OR10AG1: variants seen among roughly 807,000 people sequenced by gnomAD.
The protein encoded by OR10AG1 is olfactory receptor family 10 subfamily AG member 1, also known as olfactory receptor 10AG1.
For missense variants in OR10AG1, 433 were observed against 376.5 expected (o/e 1.15, Z -1.24); for synonymous variants, 147 against 128.6 (o/e 1.14, Z -0.97).
rs1392716618 is a variant in OR10AG1, at chr11:55,968,464, T to A, written c.60A>T (p.Ile20=). The change falls in exon 2 of 2, where the codon ATA becomes ATT. Residue 20 remains isoleucine, a synonymous_variant. Coordinates refer to ENST00000641071, the MANE Select transcript of OR10AG1 (RefSeq NM_001005491.2). ...TKREKSNVTT[I]MEFVLLGFSD... The stretch of plus-strand genomic sequence containing the variant: ...AAAACCCCAAAAGAACAAATTCCAT[T>A]ATTGTAGTCACATTTGATTTTTCTC... The A allele has an allele frequency of 2.0e-6, 3 of 1,535,632 alleles. No homozygotes were observed. The South Asian group carries it at 3.8e-5, about 19-fold the overall frequency.
rs151187533 is a variant in OR10AG1, at chr11:55,968,205, C to A, written c.319G>T (p.Ala107Ser). The change falls in exon 2 of 2, where the codon GCT becomes TCT. Residue 107 changes from alanine to serine, a missense_variant. By Grantham distance (99) the Ala-to-Ser change is moderately conservative. Transcript: ENST00000641071. ...AAAAAACACATTTGTGTAGCACAAGCAAACAAAGAAATATTTCCTTTCTGA... is the reference window on the plus strand; with the variant it reads ...AAAAAACACATTTGTGTAGCACAAGAAAACAAAGAAATATTTCCTTTCTGA... The part of the protein sequence containing the change: ...WTQKGNISLF[A>S]CATQMCFFLM... The A allele has an allele frequency of 1.2e-6, 2 of 1,613,854 alleles. No homozygotes were observed.
intron 1 of OR10AG1, among the ~76,000 whole-genome samples, chr11:55,969,596 C>T (rs1041022069): frequency 2.0e-5 from 3 of 152,102 alleles, no homozygotes; most frequent in African/African-American, 4.8e-5. Flanking sequence ...TGACTTAATA[C>T]GTTGATAAAT....
Position 55,968,868 on chromosome 11 carries a change from GTC to G in OR10AG1, c.17-363_17-362del, listed in dbSNP as rs1162165079. Among the ~76,000 whole-genome samples, 4 of 152,122 alleles carry G rather than the reference GTC, an allele frequency of 2.6e-5. No individual in the cohort carries two copies. The East Asian group carries it at 7.7e-4, about 29-fold the overall frequency. ...AATATCATTTTTCTTTGTATTGGTA[GTC>G]ATATTCCAGTTTTTTTAATTCAAAA... On this transcript the variant is annotated intron_variant, in intron 1 of 1. Transcript: ENST00000641071.
At position 55,968,442 on chromosome 11, in the gene OR10AG1, AC is replaced by A; in HGVS notation, c.81del (p.Ser29LeufsTer19). On this transcript the variant is annotated frameshift_variant, in exon 2 of 2. Transcript: ENST00000641071. LOFTEE classifies it low-confidence loss of function (END_TRUNC). ...CAGTGGAGATTGGGAATATCAGAAAACCCCAAAAGAACAAATTCCATTATTG... is the reference window on the plus strand; with the variant it reads ...CAGTGGAGATTGGGAATATCAGAAAACCCAAAAGAACAAATTCCATTATTG... The part of the protein sequence containing the change: ...VTTIMEFVLL[G>X]FSDIPNLHWM... The A allele has an allele frequency of 1.9e-6, 3 of 1,560,096 alleles. No individual in the cohort carries two copies. Among genetic ancestry groups the A allele is most frequent in the South Asian group, 1.2e-5 (1 of 82,690 alleles).
Position 55,967,603 on chromosome 11 carries a change from A to G in OR10AG1, c.921T>C (p.Asp307=), listed in dbSNP as rs1165734260. 3.1e-6 allele frequency: 5 copies of G among 1,602,794 alleles called. No homozygotes were observed. The highest frequency in any genetic ancestry group is 1.1e-5 in the South Asian group (1 of 88,962). The change falls in exon 2 of 2, where the codon GAT becomes GAC. Residue 307 remains aspartate, a synonymous_variant. Transcript: ENST00000641071. ...NPIIYTLRNK[D]IMVALRKLLA... is the part of the protein sequence containing the mutation. ...GTAATTTTCTCAATGCCACCATGAT[A>G]TCTTTGTTCCTCAGGGTATATATAA...
chr11:55,969,411 A>G (rs1448687427), intron 1 of OR10AG1, among the ~76,000 whole-genome samples: 1 of 152,112 alleles, frequency 6.6e-6, no homozygotes, highest in African/African-American at 2.4e-5. Flanking sequence ...AAACAAAAAC[A>G]CACTGTCTTG....
rs1852696454 is a variant in OR10AG1 at position 55,967,315 on chromosome 11, TA to T, written c.*242del. The T allele has an allele frequency of 2.7e-6, 1 of 375,804 alleles. No individual in the cohort carries two copies. Among genetic ancestry groups the T allele is most frequent in the South Asian group, 4.5e-5 (1 of 22,332 alleles). The allele number at this position is 375,804 out of a possible 1,614,324, so 23.3% of individuals were successfully genotyped here. A position where few individuals can be genotyped will look rare whatever the true frequency, so the allele number is the denominator to read the frequency against. ...TCATTTTATTGCTCAGGTGGTCTCTTAATCAACAGTTAACCATTGATCTTCA... is the reference window on the plus strand; with the variant it reads ...TCATTTTATTGCTCAGGTGGTCTCTTATCAACAGTTAACCATTGATCTTCA... On this transcript the variant is annotated 3_prime_UTR_variant, in exon 2 of 2. Transcript: ENST00000641071.
In OR10AG1 at chr11:55,967,338, T is replaced by A; in HGVS notation, c.*220A>T. 2.3e-6 allele frequency: 1 copy of A among 429,874 alleles called. No individual in the cohort carries two copies. Among genetic ancestry groups the A allele is most frequent in the Non-Finnish European group, 4.1e-6 (1 of 242,728 alleles). The allele number at this position is 429,874 out of a possible 1,614,324, so 26.6% of individuals were successfully genotyped here. On this transcript the variant is annotated 3_prime_UTR_variant, in exon 2 of 2. Transcript: ENST00000641071. The stretch of plus-strand genomic sequence containing the variant: ...CTTAATCAACAGTTAACCATTGATC[T>A]TCAGAATGAGATCTTGGCACCTTAG...
Position 55,966,688 on chromosome 11 carries a change from C to T in OR10AG1, c.*870G>A, listed in dbSNP as rs1318928901. On this transcript the variant is annotated 3_prime_UTR_variant, in exon 2 of 2. Coordinates refer to ENST00000641071, the MANE Select transcript of OR10AG1 (RefSeq NM_001005491.2). Reference sequence around the variant, plus strand: ...ATTCCAGTCTCTGCCTTCACCTTTACATGATGTCCTTCTCTGTTTCTCTGC... The same window carrying T: ...ATTCCAGTCTCTGCCTTCACCTTTATATGATGTCCTTCTCTGTTTCTCTGC... The T allele has an allele frequency of 6.6e-6, 1 of 152,102 alleles. No individual in the cohort carries two copies. Among genetic ancestry groups the T allele is most frequent in the Non-Finnish European group, 1.5e-5 (1 of 68,072 alleles). The allele number at this position is 152,102 out of a possible 1,614,324, so 9.4% of individuals were successfully genotyped here. A position where few individuals can be genotyped will look rare whatever the true frequency, so the allele number is the denominator to read the frequency against.
intron 1 of OR10AG1, among the ~76,000 whole-genome samples, chr11:55,969,217 A>G (rs918826333): frequency 6.6e-6 from 1 of 152,038 alleles, no homozygotes. Context: ...TATCTAAGTG[A>G]ATTTCTCCAT....
At position 55,967,769 on chromosome 11, in the gene OR10AG1, CAGGTGGAGAAGGCTTT is replaced by C; in HGVS notation, c.739_754del (p.Lys247AlafsTer5). 1 of 1,613,750 alleles carries C rather than the reference CAGGTGGAGAAGGCTTT, an allele frequency of 6.2e-7. No homozygotes were observed. The highest frequency in any genetic ancestry group is 8.5e-7 in the Non-Finnish European group (1 of 1,179,782). ...GATTACAACTATTAGGTGAGATGAGCAGGTGGAGAAGGCTTTAGCCTTTCCTCTGGCTGATGACAAT... is the reference window on the plus strand; with the variant it reads ...GATTACAACTATTAGGTGAGATGAGCAGCCTTTCCTCTGGCTGATGACAAT... On this transcript the variant is annotated frameshift_variant, in exon 2 of 2. Coordinates refer to ENST00000641071, the MANE Select transcript of OR10AG1 (RefSeq NM_001005491.2). LOFTEE classifies it low-confidence loss of function (END_TRUNC).
rs61896161 is a variant in OR10AG1 at position 55,967,507 on chromosome 11, C to T, written c.*51G>A. On this transcript the variant is annotated 3_prime_UTR_variant, in exon 2 of 2. Coordinates refer to ENST00000641071, the MANE Select transcript of OR10AG1 (RefSeq NM_001005491.2). ...AAAGTTAAAAAAAAATTCACTGAAG[C>T]CACATGACAAACCTATAAAGAAATT... 83,342 of 1,207,218 alleles carry T rather than the reference C, an allele frequency of 0.069. 3,321 individuals are homozygous for T. Among genetic ancestry groups the T allele is most frequent in the Non-Finnish European group, 0.077 (65,698 of 855,164 alleles). The allele number at this position is 1,207,218 out of a possible 1,614,324, so 74.8% of individuals were successfully genotyped here. A position where few individuals can be genotyped will look rare whatever the true frequency, so the allele number is the denominator to read the frequency against.
At chr11:55,968,560 T>G (rs1281672670) in intron 1 of OR10AG1, 53 bp from the exon 2 acceptor site, 1 of 798,928 alleles carries the variant, frequency 1.3e-6, no homozygotes, top group Middle Eastern at 2.8e-4. Flanking sequence ...TTGAACAATA[T>G]TTTCCTCTTG....
In OR10AG1 at chr11:55,966,063, A is replaced by C. The variant is rs1402339771; in HGVS notation, c.*1495T>G. On this transcript the variant is annotated 3_prime_UTR_variant, in exon 2 of 2. Coordinates refer to ENST00000641071, the MANE Select transcript of OR10AG1 (RefSeq NM_001005491.2). Reference sequence around the variant, plus strand: ...AGCAGTTCTGAGACATTATCTTGAGAGGCTGTGCATTACTGTAAGGTAAAG... The same window carrying C: ...AGCAGTTCTGAGACATTATCTTGAGCGGCTGTGCATTACTGTAAGGTAAAG... 1 of 152,016 alleles carries C rather than the reference A, an allele frequency of 6.6e-6. No individual in the cohort carries two copies. Among genetic ancestry groups the C allele is most frequent in the African/African-American group, 2.4e-5 (1 of 41,374 alleles). 9.4% of individuals were successfully genotyped at this position (152,016 alleles called of 1,614,324 possible). A position where few individuals can be genotyped will look rare whatever the true frequency, so the allele number is the denominator to read the frequency against.
rs1852707909 is a variant in OR10AG1, at chr11:55,968,107, C to T, written c.417G>A (p.Lys139=). The T allele has an allele frequency of 1.2e-6, 2 of 1,613,980 alleles. No individual in the cohort carries two copies. The highest frequency in any genetic ancestry group is 1.7e-5 in the Admixed American group (1 of 60,016). The change falls in exon 2 of 2, where the codon AAG becomes AAA. Residue 139 remains lysine (K), a synonymous_variant. Transcript: ENST00000641071. ...TCATCACTAGAGGATACTGCAAAGGCTTACAAATAGCCACGTAGCGGTCAT... is the reference window on the plus strand; with the variant it reads ...TCATCACTAGAGGATACTGCAAAGGTTTACAAATAGCCACGTAGCGGTCAT... ...MAYDRYVAIC[K]PLQYPLVMNH... is the part of the protein sequence containing the mutation.
chr11:55,968,312 T>C lies in OR10AG1; in HGVS notation c.212A>G (p.Tyr71Cys). ...KIHPALQTPM[Y>C]FFLSNFSLLE... ...AAGGGAAAAATTGCTAAGAAAAAAA[T>C]ACATGGGAGTCTGGAGAGCGGGGTG... Residue 71 changes from tyrosine to cysteine, a missense_variant, in exon 2 of 2, where the codon TAT (tyrosine) becomes TGT (cysteine). Coordinates refer to ENST00000641071, the MANE Select transcript of OR10AG1 (RefSeq NM_001005491.2). 3 of 1,613,458 alleles carry C rather than the reference T, an allele frequency of 1.9e-6. No individual in the cohort carries two copies. The highest frequency in any genetic ancestry group is 2.5e-6 in the Non-Finnish European group (3 of 1,179,578).
Position 55,967,716 on chromosome 11 carries a change from A to G in OR10AG1, c.808T>C (p.Tyr270His), listed in dbSNP as rs1852701791. 1 of 1,613,898 alleles carries G rather than the reference A, an allele frequency of 6.2e-7. No individual in the cohort carries two copies. Among genetic ancestry groups the G allele is most frequent in the South Asian group, 1.1e-5 (1 of 91,080 alleles). Residue 270 changes from tyrosine (Y) to histidine (H), a missense_variant, in exon 2 of 2, where the codon TAT becomes CAT. Coordinates refer to ENST00000641071, the MANE Select transcript of OR10AG1 (RefSeq NM_001005491.2). ...ILFFGAGTIT[Y>H]LQPKPHQFQR... ...AACTGATGTGGTTTGGGCTGTAAAT[A>G]AGTGATAGTACCTGCTCCAAAGAAT... is the stretch of plus-strand genomic sequence containing the variant.
At chr11:55,969,295 T>A (rs1361285716) in intron 1 of OR10AG1, among the ~76,000 whole-genome samples, 1 of 152,152 alleles carries the variant, frequency 6.6e-6, no homozygotes, top group Non-Finnish European at 1.5e-5. Context: ...CCCTTCATCC[T>A]GTTGCCTTAT....
Position 55,966,826 on chromosome 11 carries a change from A to G in OR10AG1, c.*732T>C, listed in dbSNP as rs1852692877. 6.6e-6 allele frequency: 1 copy of G among 152,074 alleles called. No individual in the cohort carries two copies. The highest frequency in any genetic ancestry group is 1.5e-5 in the Non-Finnish European group (1 of 68,016). 9.4% of individuals were successfully genotyped at this position (152,074 alleles called of 1,614,324 possible). ...ACTTTCATTTACAATCTTTAGCTTCACTATAGCTGAAAGTCTTTGTTTTTC... is the reference window on the plus strand; with the variant it reads ...ACTTTCATTTACAATCTTTAGCTTCGCTATAGCTGAAAGTCTTTGTTTTTC... On this transcript the variant is annotated 3_prime_UTR_variant, in exon 2 of 2. Transcript: ENST00000641071.
Sources: gnomAD v4.1 joint callset for allele counts (sites outside exome capture counted in the v4.1 genomes callset) on GRCh38, gnomAD v4.1.1 for gene constraint, MANE v1.5 for transcripts, NCBI Gene and HGNC (gene_info 2026-07-23, HGNC 2026-07-21) for gene names.